TRMT1L: variants seen among roughly 807,000 people sequenced by gnomAD.
The protein encoded by TRMT1L is tRNA (guanine(27)-N(2))-dimethyltransferase.
Under a neutral mutation model 81.6 loss-of-function variants are expected in TRMT1L, and 28 were observed. The observed-to-expected ratio is 0.34, with a 90% CI of 0.25 to 0.47. The LOEUF (loss-of-function observed/expected upper bound fraction) is 0.47. Among genes scored for constraint, TRMT1L ranks in the 20% least tolerant of loss-of-function variants. The pLI, the probability that TRMT1L is intolerant of heterozygous loss-of-function variation, is 1.00. For missense variants in TRMT1L, 739 were observed against 877.1 expected (o/e 0.84, Z 1.99); for synonymous variants, 301 against 303.2 (o/e 0.99, Z 0.07).
chr1:185,147,275 C>T (rs1286875548), intron 3 of TRMT1L, 29 bp from the exon 4 acceptor site: 1 of 1,526,818 alleles, frequency 6.5e-7, no homozygotes, highest in East Asian at 2.3e-5. Context: ...GGTTATCATA[C>T]ATTGTTCATT....
chr1:185,151,874 A>C lies in TRMT1L; in HGVS notation c.297T>G (p.Asp99Glu). The C allele has an allele frequency of 6.2e-7, 1 of 1,605,062 alleles. No individual in the cohort carries two copies. Among genetic ancestry groups the C allele is most frequent in the Non-Finnish European group, 8.5e-7 (1 of 1,176,398 alleles). ...ADLENLAFVT[D>E]GNFDSASSLN... ...ATGAGCTGGCAGAGTCAAAATTTCC[A>C]TCAGTTACAAAAGCTAAATTCTCTA... is the stretch of plus-strand genomic sequence containing the variant. The change falls in exon 2 of 15, where the codon GAT (aspartate) becomes GAG (glutamate). Residue 99 changes from aspartate (D) to glutamate (E), a missense_variant. Coordinates refer to ENST00000367506, the MANE Select transcript of TRMT1L (RefSeq NM_030934.5).
intron 6 of TRMT1L, 121 bp downstream of exon 6, chr1:185,143,785 A>T (rs1322874455): frequency 2.3e-6 from 2 of 865,290 alleles, no homozygotes; most frequent in Non-Finnish European, 3.2e-6. Flanking sequence ...AAATGTTAAA[A>T]CAGATGATTT....
At chr1:185,147,557 T>G (rs928969063) in intron 3 of TRMT1L, among the ~76,000 whole-genome samples, 1 of 152,182 alleles carries the variant, frequency 6.6e-6, no homozygotes, top group Non-Finnish European at 1.5e-5. Context: ...CTTTATCCTA[T>G]TCTCTGCCAC....
Position 185,119,567 on chromosome 1 carries a change from G to C in TRMT1L, c.*452C>G, listed in dbSNP as rs1258242118. On this transcript the variant is annotated 3_prime_UTR_variant, in exon 15 of 15. Coordinates refer to ENST00000367506, the MANE Select transcript of TRMT1L (RefSeq NM_030934.5). ...ATACATTATGACCTGTAAGAACATTGTTCTTCCTATTCTATTCAGGGTCAT... is the reference window on the plus strand; with the variant it reads ...ATACATTATGACCTGTAAGAACATTCTTCTTCCTATTCTATTCAGGGTCAT... The C allele has an allele frequency of 6.5e-6, 1 of 152,918 alleles. No homozygotes were observed. The highest frequency in any genetic ancestry group is 1.5e-5 in the Non-Finnish European group (1 of 68,666). The allele number at this position is 152,918 out of a possible 1,614,324, so 9.5% of individuals were successfully genotyped here.
At chr1:185,129,268 C>G (rs1652711775) in intron 10 of TRMT1L, among the ~76,000 whole-genome samples, 2 of 152,178 alleles carry the variant, frequency 1.3e-5, no homozygotes, top group South Asian at 4.1e-4. Flanking sequence ...CCCATGTAAC[C>G]AACATCCCAA....
chr1:185,120,279 A>G lies in TRMT1L; in HGVS notation c.1950-8T>C. The stretch of plus-strand genomic sequence containing the variant: ...CACAAAAACTTTTTTAACCTGCAAA[A>G]AGGAAAGGAAAGAAAAAATAATCAG... On this transcript the variant is annotated splice_polypyrimidine_tract_variant and splice_region_variant and intron_variant, in intron 14 of 14. Transcript: ENST00000367506. 3 of 1,523,880 alleles carry G rather than the reference A, an allele frequency of 2.0e-6. No homozygotes were observed. The highest frequency in any genetic ancestry group is 1.8e-6 in the Non-Finnish European group (2 of 1,137,010). 94.4% of individuals were successfully genotyped at this position (1,523,880 alleles called of 1,614,324 possible).
intron 11 of TRMT1L, 127 bp downstream of exon 11, chr1:185,128,542 C>A: frequency 2.4e-6 from 2 of 837,390 alleles, no homozygotes; most frequent in Non-Finnish European, 3.9e-6. Flanking sequence ...GGAGAAGAGT[C>A]ATAATTATTT....
chr1:185,120,912 AGTTCCT>A (rs1652485094), intron 13 of TRMT1L: 1 of 153,800 alleles, frequency 6.5e-6, no homozygotes, highest in Non-Finnish European at 1.4e-5. Flanking sequence ...TTATATTCTA[AGTTCCT>A]AAGGACAATG....
chr1:185,142,055 G>A (rs964718605), intron 7 of TRMT1L, among the ~76,000 whole-genome samples: 1 of 152,176 alleles, frequency 6.6e-6, no homozygotes, highest in Non-Finnish European at 1.5e-5. Flanking sequence ...TGGTGGCTGA[G>A]TAGATATGGG....
rs561182562 is a variant in TRMT1L, at chr1:185,133,682, T to C, written c.1513+3924A>G. Among the ~76,000 whole-genome samples, 539 of 151,414 alleles carry C rather than the reference T, an allele frequency of 3.6e-3. 1 individual carries two copies. The highest frequency in any genetic ancestry group is 7.3e-3 in the Admixed American group (111 of 15,198). Reference sequence around the variant, plus strand: ...GTGTAACCATAGCTCACTGCAGCCTTGAACTACTGGGTTCAAGTGATCCTC... The same window carrying C: ...GTGTAACCATAGCTCACTGCAGCCTCGAACTACTGGGTTCAAGTGATCCTC... On this transcript the variant is annotated intron_variant, in intron 10 of 14. Coordinates refer to ENST00000367506, the MANE Select transcript of TRMT1L (RefSeq NM_030934.5).
intron 11 of TRMT1L, 85 bp from the exon 12 acceptor site, chr1:185,125,195 A>G (rs1652592751): frequency 2.1e-6 from 2 of 931,480 alleles, no homozygotes; most frequent in Admixed American, 6.0e-5. Context: ...ACTATAAGTA[A>G]GATATATAAT....
intron 10 of TRMT1L, among the ~76,000 whole-genome samples, chr1:185,136,288 A>C (rs1164694495): frequency 6.6e-6 from 1 of 152,170 alleles, no homozygotes; most frequent in Non-Finnish European, 1.5e-5. Context: ...GTGTGCCTAT[A>C]GTCCCAGGTA....
chr1:185,131,076 T>C (rs1490805100), intron 10 of TRMT1L, among the ~76,000 whole-genome samples: 1 of 152,132 alleles, frequency 6.6e-6, no homozygotes, highest in African/African-American at 2.4e-5. Context: ...CTTGGCTCAC[T>C]GCAAGCTCCG....
At chr1:185,144,904 G>A (rs544542039) in intron 5 of TRMT1L, among the ~76,000 whole-genome samples, 1 of 151,736 alleles carries the variant, frequency 6.6e-6, no homozygotes. Context: ...ATAGTTCAGT[G>A]ACTGTTTTTT....
intron 11 of TRMT1L, among the ~76,000 whole-genome samples, chr1:185,126,113 A>T (rs1288765501): frequency 1.3e-5 from 2 of 152,044 alleles, no homozygotes; most frequent in African/African-American, 4.8e-5. Context: ...TCTTTTTATT[A>T]AGAGACAGGG....
Position 185,124,831 on chromosome 1 carries a change from AAC to A in TRMT1L, c.1759+111_1759+112del, listed in dbSNP as rs1351195155. The A allele has an allele frequency of 6.7e-6, 7 of 1,047,360 alleles. No homozygotes were observed. In the East Asian group the frequency reaches 1.6e-4, roughly 25 times the overall value. 64.9% of individuals were successfully genotyped at this position (1,047,360 alleles called of 1,614,324 possible). ...GACTCATTAGAGAAGATTTACTAAA[AAC>A]ACACTATTTATAATTATATTGGTTT... On this transcript the variant is annotated intron_variant, in intron 12 of 14. Coordinates refer to ENST00000367506, the MANE Select transcript of TRMT1L (RefSeq NM_030934.5).
chr1:185,145,863 G>A (rs576813538), intron 4 of TRMT1L, among the ~76,000 whole-genome samples: 8 of 152,054 alleles, frequency 5.3e-5, no homozygotes, highest in African/African-American at 1.4e-4. Flanking sequence ...TAGGAGTGGT[G>A]TGCTGGTAAA....
chr1:185,130,191 C>T (rs1292127687), intron 10 of TRMT1L, among the ~76,000 whole-genome samples: 3 of 152,082 alleles, frequency 2.0e-5, no homozygotes, highest in East Asian at 1.9e-4. Flanking sequence ...AATAATGAAG[C>T]GGTAAAGTAG....
chr1:185,156,832 G>A lies in TRMT1L; in HGVS notation c.-120C>T. Reference sequence around the variant, plus strand: ...AAGGAGTGGGGAAGCAAGTGGGGAGGGCGGGATGCGTGCAACAGACAAAAG... The same window carrying A: ...AAGGAGTGGGGAAGCAAGTGGGGAGAGCGGGATGCGTGCAACAGACAAAAG... On this transcript the variant is annotated 5_prime_UTR_variant, in exon 1 of 15. Transcript: ENST00000367506. 7.4e-7 allele frequency: 1 copy of A among 1,356,318 alleles called. No homozygotes were observed. Among genetic ancestry groups the A allele is most frequent in the Admixed American group, 2.7e-5 (1 of 37,234 alleles). The allele number at this position is 1,356,318 out of a possible 1,614,324, so 84.0% of individuals were successfully genotyped here.
Sources: allele counts gnomAD v4.1 joint callset (sites outside exome capture counted in the v4.1 genomes callset), GRCh38; gene constraint gnomAD v4.1.1; transcripts MANE v1.5; gene names NCBI Gene and HGNC (gene_info 2026-07-23, HGNC 2026-07-21).